Variants in KIZ observed in about 807,000 individuals in gnomAD.
The protein encoded by KIZ is centrosomal protein kizuna.
In KIZ, 68 loss-of-function variants were observed where a neutral mutation model predicts 79.6. The ratio of observed to expected loss-of-function variants is 0.85; its 90% CI spans 0.70 to 1.05. The LOEUF (loss-of-function observed/expected upper bound fraction) is 1.05. Ranked by LOEUF, KIZ falls within the 50% of genes least tolerant of loss-of-function variation. The pLI is 0.00. For synonymous variants in KIZ, 280 were observed against 281.8 expected (o/e 0.99, Z 0.06); for missense variants, 797 against 800.4 (o/e 1.00, Z 0.05).
chr20:21,190,462 G>T (rs1049314652), intron 6 of KIZ, among the ~76,000 whole-genome samples: 1 of 152,212 alleles, frequency 6.6e-6, no homozygotes, highest in Non-Finnish European at 1.5e-5. Flanking sequence ...CTGGTTCCCA[G>T]TTGAATTTGT....
chr20:21,214,700 G>A lies in KIZ; in HGVS notation c.1612G>A (p.Glu538Lys), dbSNP rs767359509. The A allele has an allele frequency of 2.4e-5, 39 of 1,604,652 alleles. No homozygotes were observed. In the African/African-American group the frequency reaches 4.5e-4, roughly 19 times the overall value. The change falls in exon 8 of 13, where the codon GAA (glutamate) becomes AAA (lysine). Residue 538 changes from glutamate to lysine, a missense_variant and splice_region_variant. By Grantham distance (56) the Glu-to-Lys change is moderately conservative. Transcript: ENST00000619189. ...CAACAGTGTTCCTACAAGGGAACAAGGTAACTATTGTTAAAGTGTGTGTCC... is the reference window on the plus strand; with the variant it reads ...CAACAGTGTTCCTACAAGGGAACAAAGTAACTATTGTTAAAGTGTGTGTCC... Reference protein sequence around the residue: ...WLNSVPTREQEVSSGCGDKSK... With the variant: ...WLNSVPTREQKVSSGCGDKSK...
intron 12 of KIZ, chr20:21,244,536 G>A: frequency 1.9e-6 from 1 of 516,824 alleles, no homozygotes; most frequent in Non-Finnish European, 3.4e-6. Flanking sequence ...AATTTGCAGG[G>A]GATCCTGGCC....
rs765729252 is a variant in KIZ at position 21,244,304 on chromosome 20, G to A, written c.1924+16G>A. 64 of 1,566,230 alleles carry A rather than the reference G, an allele frequency of 4.1e-5. No homozygotes were observed. The highest frequency in any genetic ancestry group is 1.0e-4 in the South Asian group (9 of 88,780). ...AAATCTAATGGTGAGAGAGATAATC[G>A]GACACTAGATTTTCTTTTTCTGTTT... is the stretch of plus-strand genomic sequence containing the variant. On this transcript the variant is annotated intron_variant, in intron 12 of 12. Transcript: ENST00000619189.
chr20:21,132,615 G>T (rs955425395), intron 2 of KIZ, among the ~76,000 whole-genome samples: 2 of 151,190 alleles, frequency 1.3e-5, no homozygotes, highest in Admixed American at 6.6e-5. Context: ...CTTATTTTTA[G>T]TGTGTAATAA....
intron 7 of KIZ, among the ~76,000 whole-genome samples, chr20:21,205,842 T>C (rs1030865975): frequency 6.6e-6 from 1 of 151,458 alleles, no homozygotes; most frequent in Non-Finnish European, 1.5e-5. Context: ...GCACCTGTAG[T>C]CCCAGCTACT....
intron 6 of KIZ, among the ~76,000 whole-genome samples, chr20:21,179,209 G>GGT (rs1395172934): frequency 2.3e-5 from 3 of 129,774 alleles, no homozygotes; most frequent in African/African-American, 8.6e-5. Flanking sequence ...GGGTTTTTTT[G>GGT]TTTTTTTTTT....
rs530785271 is a variant in KIZ at position 21,217,005 on chromosome 20, G to T, written c.1678+1357G>T. 2.6e-5 allele frequency among the ~76,000 whole-genome samples: 4 copies of T among 152,232 alleles called. No individual in the cohort carries two copies. The South Asian group carries it at 8.3e-4, about 32-fold the overall frequency. ...CCTTCTCATGCAGAAGTGCAATATG[G>T]CTAGAAGCAACTTGGGCTGTTTGCC... On this transcript the variant is annotated intron_variant, in intron 9 of 12. Coordinates refer to ENST00000619189, the MANE Select transcript of KIZ (RefSeq NM_018474.6).
At chr20:21,185,179 A>G (rs1465011676) in intron 6 of KIZ, among the ~76,000 whole-genome samples, 5 of 152,210 alleles carry the variant, frequency 3.3e-5, no homozygotes, top group South Asian at 2.1e-4. Context: ...ACCTTAACCT[A>G]CAAGAGAGAT....
At chr20:21,155,296 C>T (rs2033323065) in intron 4 of KIZ, among the ~76,000 whole-genome samples, 1 of 151,944 alleles carries the variant, frequency 6.6e-6, no homozygotes, top group South Asian at 2.1e-4. Context: ...AATGGATAAA[C>T]AAACTACAGT....
At chr20:21,187,031 CT>C (rs2034901971) in intron 6 of KIZ, among the ~76,000 whole-genome samples, 1 of 152,074 alleles carries the variant, frequency 6.6e-6, no homozygotes, top group African/African-American at 2.4e-5. Context: ...AAATCTGAAA[CT>C]TTTTGAGTGC....
chr20:21,244,189 T>C lies in KIZ; in HGVS notation c.1881-56T>C, dbSNP rs1600638140. 1.1e-5 allele frequency: 14 copies of C among 1,233,886 alleles called. No individual in the cohort carries two copies. In the East Asian group the frequency reaches 3.2e-4, roughly 29 times the overall value. 76.4% of individuals were successfully genotyped at this position (1,233,886 alleles called of 1,614,324 possible). Reference sequence around the variant, plus strand: ...TTCTCTAATGCGTTCATTATGAAAATATTAGTCTCATTGTCTTTTCTTTTT... The same window carrying C: ...TTCTCTAATGCGTTCATTATGAAAACATTAGTCTCATTGTCTTTTCTTTTT... On this transcript the variant is annotated intron_variant, in intron 11 of 12. Transcript: ENST00000619189.
intron 2 of KIZ, 73 bp downstream of exon 2, chr20:21,132,232 T>C (rs2031895594): frequency 1.3e-6 from 1 of 741,644 alleles, no homozygotes; most frequent in Non-Finnish European, 2.2e-6. Flanking sequence ...CCTAATGTTA[T>C]GTCATAAATA....
rs895149464 is a variant in KIZ at position 21,229,131 on chromosome 20, T to C, written c.1783+16T>C. On this transcript the variant is annotated intron_variant, in intron 10 of 12. Transcript: ENST00000619189. Reference sequence around the variant, plus strand: ...CACTTGTCAGGTAAGTAAGAGCAGATGGCAGTGTCCAGGGGCCCAGAGTGG... The same window carrying C: ...CACTTGTCAGGTAAGTAAGAGCAGACGGCAGTGTCCAGGGGCCCAGAGTGG... The C allele has an allele frequency of 6.8e-6, 10 of 1,475,958 alleles. No homozygotes were observed. The highest frequency in any genetic ancestry group is 3.4e-5 in the Admixed American group (2 of 58,668). The allele number at this position is 1,475,958 out of a possible 1,614,324, so 91.4% of individuals were successfully genotyped here. A position where few individuals can be genotyped will look rare whatever the true frequency, so the allele number is the denominator to read the frequency against.
chr20:21,161,487 G>A lies in KIZ; in HGVS notation c.406-384G>A, dbSNP rs1340775754. Among the ~76,000 whole-genome samples the A allele has an allele frequency of 1.9e-3, 57 of 30,136 alleles. No homozygotes were observed. In the East Asian group the frequency reaches 0.045, roughly 24 times the overall value. The allele number at this position is 30,136 out of a possible 152,430, so 19.8% of individuals were successfully genotyped here. On this transcript the variant is annotated intron_variant, in intron 4 of 12. Transcript: ENST00000619189. ...GCTAGGATCACAGGCACCTGCCACC[G>A]TGCCCGGCTAATTTTTGTATTTTTA... is the stretch of plus-strand genomic sequence containing the variant.
chr20:21,244,521 G>A, intron 12 of KIZ: 1 of 527,440 alleles, frequency 1.9e-6, no homozygotes, highest in East Asian at 3.2e-5. Context: ...TAATTTGCAA[G>A]TATGAATTTG....
At chr20:21,211,961 C>T (rs931286335) in intron 7 of KIZ, among the ~76,000 whole-genome samples, 7 of 152,126 alleles carry the variant, frequency 4.6e-5, no homozygotes, top group Admixed American at 4.6e-4. Flanking sequence ...TGGTGACACA[C>T]GCCTGTAATC....
intron 6 of KIZ, among the ~76,000 whole-genome samples, chr20:21,168,455 A>G (rs1194118849): frequency 1.3e-5 from 2 of 152,208 alleles, no homozygotes; most frequent in African/African-American, 4.8e-5. Context: ...ATGGAAGAAC[A>G]TTCCATGCTC....
intron 4 of KIZ, among the ~76,000 whole-genome samples, chr20:21,149,768 G>T (rs910633580): frequency 2.6e-5 from 4 of 152,174 alleles, no homozygotes; most frequent in African/African-American, 9.7e-5. Context: ...AGGAGTAAAG[G>T]GACCAGATAC....
chr20:21,240,219 G>A (rs1363411466), intron 11 of KIZ, among the ~76,000 whole-genome samples: 3 of 152,128 alleles, frequency 2.0e-5, no homozygotes, highest in African/African-American at 7.2e-5. Flanking sequence ...CTGCCTCCAA[G>A]GTTCAAGCGA....
Sources: gnomAD v4.1 joint callset for allele counts (sites outside exome capture counted in the v4.1 genomes callset) on GRCh38, gnomAD v4.1.1 for gene constraint, MANE v1.5 for transcripts, NCBI Gene and HGNC (gene_info 2026-07-23, HGNC 2026-07-21) for gene names.